Variants in AP3B1 observed in about 807,000 individuals in gnomAD.
AP3B1 encodes the protein adaptor related protein complex 3 subunit beta 1, also known as AP-3 complex subunit beta-1.
Under a neutral mutation model 132.5 loss-of-function variants are expected in AP3B1, and 61 were observed. The ratio of observed to expected loss-of-function variants is 0.46; its 90% confidence interval spans 0.37 to 0.57. The LOEUF (loss-of-function observed/expected upper bound fraction) is 0.57, where lower values mean the gene tolerates loss of function less well. Among genes scored for constraint, AP3B1 ranks in the 20% least tolerant of loss-of-function variants. The pLI, the probability that AP3B1 is intolerant of heterozygous loss-of-function variation, is 0.00. For missense variants in AP3B1, 1,120 were observed against 1,289.4 expected, an observed-to-expected ratio of 0.87 and a Z score of 2.01; for synonymous variants, 388 against 438.3, an observed-to-expected ratio of 0.89 and a Z score of 1.43.
chr5:78,151,692 C>T (rs1340506802), intron 14 of AP3B1, among the ~76,000 whole-genome samples: 1 of 152,108 alleles, frequency 6.6e-6, no homozygotes, highest in African/African-American at 2.4e-5. Flanking sequence ...CCTGGTAACC[C>T]TGGGATAAAT....
intron 7 of AP3B1, among the ~76,000 whole-genome samples, chr5:78,196,454 C>T (rs1187259560): frequency 1.3e-5 from 2 of 152,264 alleles, no homozygotes; most frequent in African/African-American, 4.8e-5. Flanking sequence ...CTCTGAAAGG[C>T]AACTTTGCAG....
At chr5:78,035,500 G>A (rs1580264415) in intron 23 of AP3B1, among the ~76,000 whole-genome samples, 2 of 151,888 alleles carry the variant, frequency 1.3e-5, no homozygotes, top group Admixed American at 6.6e-5. Flanking sequence ...TGCTAACCAC[G>A]ACAGAGATGA....
At chr5:78,258,735 C>T (rs149361923) in intron 2 of AP3B1, among the ~76,000 whole-genome samples, 38 of 152,286 alleles carry the variant, frequency 2.5e-4, no homozygotes, top group African/African-American at 8.7e-4. Flanking sequence ...AAGAGACATC[C>T]GCACTCCAAT....
chr5:78,109,792 TCTTA>T (rs1445321942), intron 20 of AP3B1, among the ~76,000 whole-genome samples: 1 of 152,140 alleles, frequency 6.6e-6, no homozygotes, highest in Non-Finnish European at 1.5e-5. Flanking sequence ...CTACGCAAAT[TCTTA>T]CTAACTAAAG....
chr5:78,206,895 G>C (rs1187092106), intron 7 of AP3B1, among the ~76,000 whole-genome samples: 1 of 152,176 alleles, frequency 6.6e-6, no homozygotes, highest in Non-Finnish European at 1.5e-5. Context: ...GTCAAGGCAG[G>C]AGGATCACAT....
chr5:78,227,373 T>G lies in AP3B1; in HGVS notation c.535A>C (p.Ser179Arg). The G allele has an allele frequency of 1.2e-6, 2 of 1,613,076 alleles. No homozygotes were observed. Among genetic ancestry groups the G allele is most frequent in the Non-Finnish European group, 1.7e-6 (2 of 1,179,306 alleles). ...NAAHAIQKLY[S>R]LDPEQKEMLI... ...GTATATTGTTAACAATGCACCTACC[T>G]GTATAATTTTTGTATTGCATGGGCT... The change falls in exon 5 of 27, where the codon AGC becomes CGC. Residue 179 changes from serine to arginine, a missense_variant and splice_region_variant. By Grantham distance (110) the Ser-to-Arg change is moderately radical. Around this residue, in one of 3 missense-constraint regions of AP3B1, gnomAD observed 129 missense variants for 212.4 expected, o/e 0.61. Coordinates refer to ENST00000255194, the MANE Select transcript of AP3B1 (RefSeq NM_003664.5).
intron 8 of AP3B1, among the ~76,000 whole-genome samples, chr5:78,178,438 T>C (rs996316266): frequency 3.3e-5 from 5 of 152,066 alleles, no homozygotes; most frequent in Admixed American, 1.3e-4. Context: ...CTGGCCAACA[T>C]GGTAAAACCC....
chr5:78,098,626 C>T, intron 21 of AP3B1, among the ~76,000 whole-genome samples: 1 of 152,222 alleles, frequency 6.6e-6, no homozygotes, highest in East Asian at 1.9e-4. Flanking sequence ...TTATTCTTGT[C>T]TGTTCCCAGG....
chr5:78,198,662 T>C (rs113345844), intron 7 of AP3B1, among the ~76,000 whole-genome samples: 2,152 of 152,288 alleles, frequency 0.014, 58 homozygotes, highest in African/African-American at 0.049. Flanking sequence ...TCTTCAAATA[T>C]GCACTCAGAG....
intron 14 of AP3B1, among the ~76,000 whole-genome samples, chr5:78,144,905 C>G (rs1368332220): frequency 6.6e-6 from 1 of 152,000 alleles, no homozygotes; most frequent in Non-Finnish European, 1.5e-5. Flanking sequence ...GCAATCATTG[C>G]TCACTACAAC....
At chr5:78,037,505 G>T (rs1363205052) in intron 23 of AP3B1, among the ~76,000 whole-genome samples, 1 of 152,128 alleles carries the variant, frequency 6.6e-6, no homozygotes, top group East Asian at 1.9e-4. Context: ...CTTTGCTCTA[G>T]TTGCTTATAA....
At chr5:78,129,089 A>G in intron 16 of AP3B1, 32 bp downstream of exon 16, 1 of 1,568,616 alleles carries the variant, frequency 6.4e-7, no homozygotes, top group Admixed American at 1.8e-5. Flanking sequence ...TTTTTAGATA[A>G]CATATATTTT....
intron 22 of AP3B1, among the ~76,000 whole-genome samples, chr5:78,056,863 G>C (rs1748837207): frequency 6.6e-6 from 1 of 152,126 alleles, no homozygotes; most frequent in Admixed American, 6.5e-5. Flanking sequence ...CCTCCCAATT[G>C]TAATGTCCTT....
intron 22 of AP3B1, among the ~76,000 whole-genome samples, chr5:78,067,063 T>C (rs112705791): frequency 0.043 from 6,546 of 151,984 alleles, 454 homozygotes; most frequent in African/African-American, 0.14. Context: ...CTGGCCAAAC[T>C]AAGCTTCAAA....
In AP3B1 at chr5:78,128,014, A is replaced by G; in HGVS notation, c.1968+16T>C. On this transcript the variant is annotated intron_variant, in intron 17 of 26. Transcript: ENST00000255194. ...CCACTGCTTTGGCAAAATTAATTTCAGAAAGGTCAACTTACCAACTCTATT... is the reference window on the plus strand; with the variant it reads ...CCACTGCTTTGGCAAAATTAATTTCGGAAAGGTCAACTTACCAACTCTATT... 1.2e-6 allele frequency: 2 copies of G among 1,611,638 alleles called. No individual in the cohort carries two copies. Among genetic ancestry groups the G allele is most frequent in the Non-Finnish European group, 1.7e-6 (2 of 1,178,162 alleles).
chr5:78,107,096 A>T (rs1033403095), intron 20 of AP3B1, among the ~76,000 whole-genome samples: 2 of 152,236 alleles, frequency 1.3e-5, no homozygotes, highest in African/African-American at 2.4e-5. Context: ...ATCTCAAAAG[A>T]CTAATGTGTA....
At chr5:78,262,457 G>A (rs1250354184) in intron 2 of AP3B1, among the ~76,000 whole-genome samples, 1 of 152,100 alleles carries the variant, frequency 6.6e-6, no homozygotes, top group East Asian at 1.9e-4. Context: ...ATATAATCCA[G>A]TTTCCCCAAC....
rs148160411 is a variant in AP3B1 at position 78,175,804 on chromosome 5, T to C, written c.1075A>G (p.Thr359Ala). ...VQYIVLQNIA[T>A]MSIQRKGMFE... is the part of the protein sequence containing the mutation. The stretch of plus-strand genomic sequence containing the variant: ...CATACCTTTCTTTGAATTGACATAG[T>C]TGCTATATTTTGTAGGACAATATAC... Residue 359 changes from threonine (T) to alanine (A), a missense_variant, in exon 10 of 27, where the codon ACT becomes GCT. This residue lies in a region of AP3B1 where 906 missense variants were observed against 997.1 expected (regional missense o/e 0.91). Coordinates refer to ENST00000255194, the MANE Select transcript of AP3B1 (RefSeq NM_003664.5). 2.3e-5 allele frequency: 37 copies of C among 1,612,262 alleles called. No homozygotes were observed. In the East Asian group the frequency reaches 6.7e-4, roughly 29 times the overall value.
intron 22 of AP3B1, among the ~76,000 whole-genome samples, chr5:78,041,139 T>C (rs1306013994): frequency 6.6e-6 from 1 of 151,954 alleles, no homozygotes; most frequent in Non-Finnish European, 1.5e-5. Flanking sequence ...CCGGGTATGG[T>C]GGCGCATGCC....
Sources: gnomAD v4.1 joint callset for allele counts (sites outside exome capture counted in the v4.1 genomes callset) on GRCh38, gnomAD v4.1.1 for gene constraint, gnomAD v4.1.1 regional missense constraint, MANE v1.5 for transcripts, NCBI Gene and HGNC (gene_info 2026-07-23, HGNC 2026-07-21) for gene names.